The following CSMD1 variants were observed in gnomAD, a reference collection of about 807,000 sequenced individuals.
CSMD1 encodes CUB and sushi domain-containing protein 1.
Under a neutral mutation model 417.5 loss-of-function variants are expected in CSMD1, and 213 were observed. The observed-to-expected ratio is 0.51, with a 90% confidence interval of 0.46 to 0.57. CSMD1 has a LOEUF of 0.57. CSMD1 is among the 20% of genes least tolerant of loss of function. The pLI is 0.00. For missense variants in CSMD1, 6,923 were observed against 4,529.7 expected (o/e 1.53, Z -15.17); for synonymous variants, 2,862 against 1,736.8 (o/e 1.65, Z -16.11).
At chr8:3,806,086 G>C (rs1022048866) in intron 5 of CSMD1, among the ~76,000 whole-genome samples, 4 of 152,130 alleles carry the variant, frequency 2.6e-5, no homozygotes, top group African/African-American at 9.7e-5. Flanking sequence ...TGTTGGTTTA[G>C]TGGTCTCCAA....
At chr8:3,954,102 C>A (rs995562838) in intron 5 of CSMD1, among the ~76,000 whole-genome samples, 2 of 151,846 alleles carry the variant, frequency 1.3e-5, no homozygotes, top group South Asian at 4.1e-4. Context: ...GGCCTAGGAA[C>A]GTGGCCAGTG....
intron 10 of CSMD1, among the ~76,000 whole-genome samples, chr8:3,547,872 G>A (rs949566950): frequency 6.6e-6 from 1 of 152,114 alleles, no homozygotes; most frequent in African/African-American, 2.4e-5. Context: ...TTTTTAAAAT[G>A]TCATTTTAAG....
intron 5 of CSMD1, among the ~76,000 whole-genome samples, chr8:3,979,271 T>G (rs142900488): frequency 6.6e-6 from 1 of 152,338 alleles, no homozygotes; most frequent in Non-Finnish European, 1.5e-5. Context: ...GGGAGCGGAT[T>G]GCAATGTGCT....
At chr8:3,661,408 T>C (rs921242530) in intron 7 of CSMD1, among the ~76,000 whole-genome samples, 63 of 152,192 alleles carry the variant, frequency 4.1e-4, no homozygotes, top group African/African-American at 1.4e-3. Context: ...TAAATCTTCT[T>C]CCACCACGTG....
chr8:4,587,278 T>G (rs1799749610), intron 2 of CSMD1, among the ~76,000 whole-genome samples: 1 of 152,166 alleles, frequency 6.6e-6, no homozygotes, highest in Non-Finnish European at 1.5e-5. Context: ...GATGCATAGT[T>G]TGAAGAGCTT....
chr8:3,702,360 CA>C (rs1341914211), intron 7 of CSMD1: 1 of 152,148 alleles, frequency 6.6e-6, no homozygotes, highest in Admixed American at 6.5e-5. Flanking sequence ...TTCAAAATAA[CA>C]ACCAATGTTT....
chr8:3,967,050 A>G (rs1585047422), intron 5 of CSMD1, among the ~76,000 whole-genome samples: 2 of 152,210 alleles, frequency 1.3e-5, no homozygotes, highest in African/African-American at 4.8e-5. Flanking sequence ...GAGGTAATCC[A>G]GATATTGAAA....
At chr8:4,501,873 T>C (rs751030611) in intron 2 of CSMD1, among the ~76,000 whole-genome samples, 3 of 152,104 alleles carry the variant, frequency 2.0e-5, no homozygotes, top group Non-Finnish European at 4.4e-5. Context: ...ACATGCTACA[T>C]GCAGGCTTTG....
At chr8:3,809,253 G>A (rs939489529) in intron 5 of CSMD1, among the ~76,000 whole-genome samples, 6 of 152,130 alleles carry the variant, frequency 3.9e-5, no homozygotes, top group African/African-American at 1.4e-4. Flanking sequence ...CTTCTGACCA[G>A]CTGGGTCAGG....
chr8:4,428,578 C>T (rs1022905820), intron 2 of CSMD1, among the ~76,000 whole-genome samples: 1 of 151,996 alleles, frequency 6.6e-6, no homozygotes, highest in Non-Finnish European at 1.5e-5. Flanking sequence ...TGCAACTTAC[C>T]TTATGACACT....
chr8:3,246,825 C>A (rs979608906), intron 26 of CSMD1, among the ~76,000 whole-genome samples: 2 of 152,176 alleles, frequency 1.3e-5, no homozygotes, highest in Admixed American at 6.5e-5. Flanking sequence ...TCCCCTGACA[C>A]ACTGAGAGCT....
intron 3 of CSMD1, among the ~76,000 whole-genome samples, chr8:4,273,314 T>A (rs996121950): frequency 6.6e-6 from 1 of 152,182 alleles, no homozygotes; most frequent in Non-Finnish European, 1.5e-5. Flanking sequence ...TCCAGTTTTA[T>A]GTCAAAAGTC....
chr8:2,951,247 T>G lies in CSMD1; in HGVS notation c.10068A>C (p.Ser3356=). ...AATATTCATAATACCCCTTCCACAGTGAATTGACGAAAAAGACATCTGAAG... is the reference window on the plus strand; with the variant it reads ...AATATTCATAATACCCCTTCCACAGGGAATTGACGAAAAAGACATCTGAAG... ...PVPSDVFFVN[S]LWKGYYEYLG... is the part of the protein sequence containing the mutation. The change falls in exon 66 of 70, where the codon TCA becomes TCC. Residue 3356 remains serine (S), a synonymous_variant. Transcript: ENST00000635120. 1 of 1,605,614 alleles carries G rather than the reference T, an allele frequency of 6.2e-7. No individual in the cohort carries two copies. The highest frequency in any genetic ancestry group is 8.5e-7 in the Non-Finnish European group (1 of 1,175,832).
intron 1 of CSMD1, among the ~76,000 whole-genome samples, chr8:4,808,298 G>C (rs1024284095): frequency 6.6e-6 from 1 of 152,098 alleles, no homozygotes; most frequent in African/African-American, 2.4e-5. Context: ...CTAATTATTT[G>C]CTTTAAAGAA....
chr8:3,327,910 T>A (rs921804056), intron 23 of CSMD1, among the ~76,000 whole-genome samples: 1 of 152,152 alleles, frequency 6.6e-6, no homozygotes, highest in African/African-American at 2.4e-5. Flanking sequence ...GATCCTTTAA[T>A]TGGGTCACCT....
In CSMD1 at chr8:3,453,731, A is replaced by C. The variant is rs1049889365; in HGVS notation, c.1561+14981T>G. ...TTTGCTGAGGAGAGCTTTACTTACA[A>C]CTATGTGGTCAATTTTGGAATAGGT... On this transcript the variant is annotated intron_variant, in intron 12 of 69. Coordinates refer to ENST00000635120, the MANE Select transcript of CSMD1 (RefSeq NM_033225.6). Among the ~76,000 whole-genome samples the C allele has an allele frequency of 3.5e-4, 54 of 152,128 alleles. 2 individuals carry two copies. Among genetic ancestry groups the C allele is most frequent in the Non-Finnish European group, 4.4e-5 (3 of 68,032 alleles).
At chr8:4,596,177 C>T (rs1018809890) in intron 2 of CSMD1, among the ~76,000 whole-genome samples, 78 of 152,136 alleles carry the variant, frequency 5.1e-4, no homozygotes, top group African/African-American at 1.9e-3. Context: ...ATAATATATA[C>T]CCACTGACAT....
intron 5 of CSMD1, among the ~76,000 whole-genome samples, chr8:3,801,828 C>G (rs1279136281): frequency 1.3e-5 from 2 of 152,086 alleles, no homozygotes; most frequent in Admixed American, 6.6e-5. Flanking sequence ...TGTTGGAATA[C>G]TGAGGGACCA....
At chr8:4,374,472 G>A (rs182860434) in intron 3 of CSMD1, among the ~76,000 whole-genome samples, 26 of 152,256 alleles carry the variant, frequency 1.7e-4, no homozygotes, top group African/African-American at 6.0e-4. Flanking sequence ...GTGAAAGGAA[G>A]ACAGCTTGCT....
Sources: gnomAD v4.1 joint callset for allele counts (sites outside exome capture counted in the v4.1 genomes callset) on GRCh38, gnomAD v4.1.1 for gene constraint, MANE v1.5 for transcripts, NCBI Gene and HGNC (gene_info 2026-07-23, HGNC 2026-07-21) for gene names.